SYNM: variants seen among roughly 807,000 people sequenced by gnomAD.
SYNM encodes desmuslin.
A neutral mutation model predicts 104.0 loss-of-function variants in SYNM; 95 were observed. That is an observed-to-expected ratio of 0.91 (90% CI 0.77 to 1.08). SYNM has a LOEUF of 1.08. Among genes scored for constraint, SYNM ranks in the 50% least tolerant of loss-of-function variants. The probability of loss-of-function intolerance (pLI) is 0.00; values close to 1 mark genes in which losing one functional copy is unlikely to be tolerated. For missense variants in SYNM, 2,150 were observed against 2,052.2 expected, an observed-to-expected ratio of 1.05 and a Z score of -0.92; for synonymous variants, 918 against 869.0, an observed-to-expected ratio of 1.06 and a Z score of -0.99.
chr15:99,130,527 G>A lies in SYNM; in HGVS notation c.2167G>A (p.Glu723Lys), dbSNP rs781892883. The change falls in exon 4 of 4, where the codon GAG becomes AAG. Residue 723 changes from glutamate to lysine, a missense_variant. By Grantham distance (56) the Glu-to-Lys change is moderately conservative (BLOSUM62 1). Transcript: ENST00000336292. ...KEVGLKGKSA[E>K]QMIGDIINLG... ...AGTGGGGCTGAAAGGCAAGTCAGCCGAGCAGATGATAGGAGACATCATCAA... is the reference window on the plus strand; with the variant it reads ...AGTGGGGCTGAAAGGCAAGTCAGCCAAGCAGATGATAGGAGACATCATCAA... 6.2e-6 allele frequency: 10 copies of A among 1,613,776 alleles called. No individual in the cohort carries two copies. Among genetic ancestry groups the A allele is most frequent in the Admixed American group, 1.7e-5 (1 of 59,982 alleles).
chr15:99,129,049 A>T, intron 3 of SYNM: 1 of 238,560 alleles, frequency 4.2e-6, no homozygotes. Context: ...AGCCACAAAA[A>T]CGAGCACCTC....
At chr15:99,121,963 AT>A (rs1453901858) in intron 2 of SYNM, among the ~76,000 whole-genome samples, 2 of 152,220 alleles carry the variant, frequency 1.3e-5, no homozygotes, top group Non-Finnish European at 2.9e-5. Flanking sequence ...AGATATGATA[AT>A]TGTTCTAAAT....
chr15:99,129,957 G>T lies in SYNM; in HGVS notation c.1597G>T (p.Glu533Ter), dbSNP rs782238578. ...KMFDSKEKAS[E>*]ERNLRWEELT... ...GTTCGATTCTAAAGAGAAGGCTTCCGAGGAGAGAAACCTAAGATGGGAAGA... is the reference window on the plus strand; with the variant it reads ...GTTCGATTCTAAAGAGAAGGCTTCCTAGGAGAGAAACCTAAGATGGGAAGA... Residue 533 changes from glutamate to a stop codon, truncating the protein, a stop_gained, in exon 4 of 4, where the codon GAG (glutamate) becomes TAG (stop). Transcript: ENST00000336292. LOFTEE classifies it low-confidence loss of function (END_TRUNC). The T allele has an allele frequency of 1.2e-6, 2 of 1,611,768 alleles. No individual in the cohort carries two copies. The highest frequency in any genetic ancestry group is 1.1e-5 in the South Asian group (1 of 90,784).
At chr15:99,106,126 A>T (rs1037192482) in intron 1 of SYNM, 117 bp downstream of exon 1, 3 of 1,153,426 alleles carry the variant, frequency 2.6e-6, no homozygotes, top group Non-Finnish European at 3.4e-6. Context: ...GCGGACCGGT[A>T]GGGCCCGCCC....
chr15:99,132,554 C>T lies in SYNM; in HGVS notation c.4194C>T (p.Ser1398=). The T allele has an allele frequency of 6.2e-7, 1 of 1,614,040 alleles. No homozygotes were observed. The highest frequency in any genetic ancestry group is 8.5e-7 in the Non-Finnish European group (1 of 1,179,904). ...GGGCAGAAATGACATCGGGTGTTAG[C>T]AGATCCTTTAGGCACATTCGACTAG... The part of the protein sequence containing the change: ...TSGAEMTSGV[S]RSFRHIRLGP... The change falls in exon 4 of 4, where the codon AGC becomes AGT. Residue 1398 remains serine (S), a synonymous_variant. Coordinates refer to ENST00000336292, the MANE Select transcript of SYNM (RefSeq NM_145728.3).
rs782021190 is a variant in SYNM at position 99,113,626 on chromosome 15, C to G, written c.846C>G (p.Thr282=). The change falls in exon 2 of 4, where the codon ACC becomes ACG. Residue 282 remains threonine (T), a synonymous_variant. Coordinates refer to ENST00000336292, the MANE Select transcript of SYNM (RefSeq NM_145728.3). The part of the protein sequence containing the change: ...VIDCLEDEKA[T]LTLAMADWLR... ...ACTGCCTGGAGGATGAGAAGGCAAC[C>G]CTCACCTTGGCCATGGCTGACTGGC... 6 of 1,613,610 alleles carry G rather than the reference C, an allele frequency of 3.7e-6. No individual in the cohort carries two copies. In the Admixed American group the frequency reaches 1.0e-4, roughly 27 times the overall value.
chr15:99,118,015 A>G (rs963197801), intron 2 of SYNM, among the ~76,000 whole-genome samples: 2 of 152,188 alleles, frequency 1.3e-5, no homozygotes, highest in African/African-American at 4.8e-5. Flanking sequence ...CCAAGTTTGC[A>G]TGGGGAAAAT....
At chr15:99,125,774 A>T (rs1323128409) in intron 2 of SYNM, among the ~76,000 whole-genome samples, 1 of 152,178 alleles carries the variant, frequency 6.6e-6, no homozygotes, top group African/African-American at 2.4e-5. Context: ...AACCGGAGTT[A>T]GTGACTTCAC....
chr15:99,123,252 G>A (rs782222256), intron 2 of SYNM, among the ~76,000 whole-genome samples: 15 of 151,570 alleles, frequency 9.9e-5, no homozygotes, highest in Non-Finnish European at 2.2e-4. Flanking sequence ...TTTGTCCTGC[G>A]CTTGCTTCCT....
rs1433772686 is a variant in SYNM at position 99,105,447 on chromosome 15, G to C, written c.248G>C (p.Gly83Ala). Residue 83 changes from glycine (G) to alanine (A), a missense_variant, in exon 1 of 4, where the codon GGC becomes GCC. Coordinates refer to ENST00000336292, the MANE Select transcript of SYNM (RefSeq NM_145728.3). ...AGCTGGGCCACTGCGCTGGCGGAGG[G>C]CGAGCGGGACGCTCTGCGGCGCGAG... ...ELSWATALAE[G>A]ERDALRRELR... is the part of the protein sequence containing the mutation. 48 of 1,432,718 alleles carry C rather than the reference G, an allele frequency of 3.4e-5. No homozygotes were observed. The highest frequency in any genetic ancestry group is 4.4e-5 in the Non-Finnish European group (48 of 1,098,568). The allele number at this position is 1,432,718 out of a possible 1,614,324, so 88.8% of individuals were successfully genotyped here. A position where few individuals can be genotyped will look rare whatever the true frequency, so the allele number is the denominator to read the frequency against.
Position 99,132,743 on chromosome 15 carries a change from C to T in SYNM, c.4383C>T (p.Thr1461=), listed in dbSNP as rs782136413. 1 of 1,613,930 alleles carries T rather than the reference C, an allele frequency of 6.2e-7. No homozygotes were observed. The highest frequency in any genetic ancestry group is 1.1e-5 in the South Asian group (1 of 91,062). The stretch of plus-strand genomic sequence containing the variant: ...CAGGGCCCAAAGAAACTTCGTTTAC[C>T]TTTCAGATGGATGTGAGTAACGTAG... ...IAPGPKETSF[T]FQMDVSNVEA... Residue 1461 remains threonine, a synonymous_variant, in exon 4 of 4, where the codon ACC becomes ACT. Transcript: ENST00000336292.
intron 2 of SYNM, among the ~76,000 whole-genome samples, chr15:99,116,254 A>T (rs782727499): frequency 6.6e-6 from 1 of 152,230 alleles, no homozygotes; most frequent in Non-Finnish European, 1.5e-5. Context: ...TGCACAATTA[A>T]ATTGGTAGGG....
rs781885304 is a variant in SYNM, at chr15:99,129,936, G to A, written c.1576G>A (p.Asp526Asn). ...IRTKPEEKMF[D>N]SKEKASEERN... ...AACAAAGCCAGAAGAGAAAATGTTC[G>A]ATTCTAAAGAGAAGGCTTCCGAGGA... is the stretch of plus-strand genomic sequence containing the variant. Residue 526 changes from aspartate to asparagine, a missense_variant, in exon 4 of 4, where the codon GAT becomes AAT. Physicochemically the swap from Asp to Asn is conservative, Grantham distance 23 (BLOSUM62 1). Coordinates refer to ENST00000336292, the MANE Select transcript of SYNM (RefSeq NM_145728.3). The A allele has an allele frequency of 3.7e-6, 6 of 1,611,972 alleles. No individual in the cohort carries two copies. Among genetic ancestry groups the A allele is most frequent in the Middle Eastern group, 1.6e-4 (1 of 6,062 alleles).
chr15:99,127,544 T>C (rs1450290680), intron 3 of SYNM, among the ~76,000 whole-genome samples: 7 of 152,234 alleles, frequency 4.6e-5, no homozygotes, highest in African/African-American at 1.7e-4. Flanking sequence ...TTAGTCTTCA[T>C]TGTTTCTTTT....
chr15:99,120,328 G>A (rs2067388418), intron 2 of SYNM, among the ~76,000 whole-genome samples: 1 of 152,184 alleles, frequency 6.6e-6, no homozygotes, highest in Admixed American at 6.5e-5. Context: ...ACGCAGGGAG[G>A]GCTTCCTGAA....
downstream of SYNM, chr15:99,137,405 G>A (rs2067676738): frequency 6.6e-6 from 1 of 152,308 alleles, no homozygotes; most frequent in South Asian, 2.1e-4. Context: ...CCTTACACCT[G>A]CCTCCTGGGC....
At chr15:99,139,298 G>A, downstream of SYNM, 1 of 1,609,264 alleles carries the variant, frequency 6.2e-7, no homozygotes, top group Non-Finnish European at 8.5e-7. Context: ...TAGAGAAAGT[G>A]TGAGGGACGC....
In SYNM at chr15:99,131,190, G is replaced by A. The variant is rs375617098; in HGVS notation, c.2830G>A (p.Glu944Lys). The A allele has an allele frequency of 5.3e-5, 85 of 1,608,070 alleles. No individual in the cohort carries two copies. Among genetic ancestry groups the A allele is most frequent in the East Asian group, 1.3e-4 (6 of 44,736 alleles). The change falls in exon 4 of 4, where the codon GAG (glutamate) becomes AAG (lysine). Residue 944 changes from glutamate (E) to lysine (K), a missense_variant. By Grantham distance (56) the Glu-to-Lys change is moderately conservative. Coordinates refer to ENST00000336292, the MANE Select transcript of SYNM (RefSeq NM_145728.3). This position sits in a 1 kb window ranked among gnomAD's most constrained non-coding sequence, Gnocchi z 4.3. ...CTCCATGAAGGGCATCTCCTCCAAG[G>A]AGCCCCGGCAGCAGCTGGTGGAGGT... ...HTSMKGISSK[E>K]PRQQLVEVIG...
chr15:99,106,044 C>A, intron 1 of SYNM, 35 bp downstream of exon 1: 1 of 1,407,262 alleles, frequency 7.1e-7, no homozygotes, highest in Non-Finnish European at 9.2e-7. Flanking sequence ...GACCCCATAC[C>A]CGCTGCCGTC....
Sources: gnomAD v4.1 joint callset for allele counts (sites outside exome capture counted in the v4.1 genomes callset) on GRCh38, gnomAD v4.1.1 for gene constraint, Gnocchi (gnomAD v3.1) non-coding constraint, MANE v1.5 for transcripts, NCBI Gene and HGNC (gene_info 2026-07-23, HGNC 2026-07-21) for gene names.